FMNL2: variants seen among roughly 807,000 people sequenced by gnomAD.
FMNL2 encodes formin like 2.
A neutral mutation model predicts 130.2 loss-of-function variants in FMNL2; 51 were observed. The ratio of observed to expected loss-of-function variants is 0.39; its 90% confidence interval spans 0.31 to 0.49. The LOEUF is 0.49. FMNL2 is among the 20% of genes least tolerant of loss of function. The pLI is 0.85. For missense variants in FMNL2, 977 were observed against 1,316.2 expected, an observed-to-expected ratio of 0.74 and a Z score of 3.99; for synonymous variants, 465 against 467.1, an observed-to-expected ratio of 1.00 and a Z score of 0.06.
chr2:152,439,807 G>A (rs528160960), intron 1 of FMNL2, among the ~76,000 whole-genome samples: 1 of 148,384 alleles, frequency 6.7e-6, no homozygotes, highest in African/African-American at 2.5e-5. Flanking sequence ...GGTCTAGTAT[G>A]CCGTGTCTGT....
intron 7 of FMNL2, 85 bp downstream of exon 7, chr2:152,575,329 G>T: frequency 1.3e-6 from 1 of 773,678 alleles, no homozygotes. Flanking sequence ...TACACCGCTT[G>T]GGCGAAGGGT....
rs772110738 is a variant in FMNL2, at chr2:152,335,590, G to C, written c.-14G>C. The C allele has an allele frequency of 2.5e-6, 4 of 1,579,658 alleles. No individual in the cohort carries two copies. Among genetic ancestry groups the C allele is most frequent in the South Asian group, 2.2e-5 (2 of 89,138 alleles). Reference sequence around the variant, plus strand: ...GGGGCCCGGAGCAGCCCCCGGCCCCGGCGCGCCGCCGACATGGGCAACGCA... The same window carrying C: ...GGGGCCCGGAGCAGCCCCCGGCCCCCGCGCGCCGCCGACATGGGCAACGCA... On this transcript the variant is annotated 5_prime_UTR_variant, in exon 1 of 26. Coordinates refer to ENST00000288670, the MANE Select transcript of FMNL2 (RefSeq NM_052905.4).
At chr2:152,379,319 A>C (rs969552500) in intron 1 of FMNL2, among the ~76,000 whole-genome samples, 3 of 152,318 alleles carry the variant, frequency 2.0e-5, no homozygotes, top group Middle Eastern at 3.4e-3. Context: ...GAGTGCTTCT[A>C]CTTCGTTAGT....
chr2:152,490,421 T>C (rs1691089264), intron 1 of FMNL2, among the ~76,000 whole-genome samples: 1 of 152,164 alleles, frequency 6.6e-6, no homozygotes, highest in African/African-American at 2.4e-5. Context: ...AGTTGACTGC[T>C]ACAGTTTATG....
chr2:152,631,766 T>C (rs1380136164), intron 20 of FMNL2, among the ~76,000 whole-genome samples: 1 of 152,146 alleles, frequency 6.6e-6, no homozygotes, highest in Non-Finnish European at 1.5e-5. Context: ...CATTCTTAGG[T>C]GCTTAGAGTC....
Position 152,549,310 on chromosome 2 carries a change from A to G in FMNL2, c.359+213A>G, listed in dbSNP as rs367860866. On this transcript the variant is annotated intron_variant, in intron 4 of 25. Transcript: ENST00000288670. ...AGTCCTTGATGTGGAATTTATAACAATTCTATATTTCTTTGAGCGGGTGCA... is the reference window on the plus strand; with the variant it reads ...AGTCCTTGATGTGGAATTTATAACAGTTCTATATTTCTTTGAGCGGGTGCA... 8.5e-5 allele frequency among the ~76,000 whole-genome samples: 13 copies of G among 152,352 alleles called. No homozygotes were observed. The East Asian group carries it at 1.7e-3, about 20-fold the overall frequency.
At chr2:152,514,434 G>A (rs1335099504) in intron 1 of FMNL2, among the ~76,000 whole-genome samples, 1 of 152,052 alleles carries the variant, frequency 6.6e-6, no homozygotes, top group East Asian at 1.9e-4. Flanking sequence ...TCATGCCTTT[G>A]TTCATATCTT....
chr2:152,559,753 G>A (rs1695421513), intron 5 of FMNL2, among the ~76,000 whole-genome samples: 1 of 152,130 alleles, frequency 6.6e-6, no homozygotes, highest in African/African-American at 2.4e-5. Flanking sequence ...TGCCCTCCTC[G>A]TCTTACCTTC....
intron 15 of FMNL2, 84 bp downstream of exon 15, chr2:152,619,802 C>G (rs1699155533): frequency 2.6e-6 from 4 of 1,532,192 alleles, no homozygotes; most frequent in Non-Finnish European, 3.5e-6. Flanking sequence ...TTTCAAAGTC[C>G]AGGTCTCTTG....
intron 1 of FMNL2, among the ~76,000 whole-genome samples, chr2:152,509,393 G>A (rs1169288651): frequency 6.6e-6 from 1 of 151,762 alleles, no homozygotes; most frequent in Non-Finnish European, 1.5e-5. Flanking sequence ...ATTTTATTAT[G>A]GGATTTTTTT....
Position 152,542,748 on chromosome 2 carries a change from C to A in FMNL2, c.211C>A (p.Gln71Lys). The A allele has an allele frequency of 1.2e-6, 2 of 1,614,036 alleles. No individual in the cohort carries two copies. The highest frequency in any genetic ancestry group is 2.2e-5 in the East Asian group (1 of 44,866). ...WELICDQERF[Q>K]VKNPPHTYIQ... ...TTTGTGCTTTCTGCAGGAACGATTCCAGGTGAAGAATCCTCCCCATACATA... is the reference window on the plus strand; with the variant it reads ...TTTGTGCTTTCTGCAGGAACGATTCAAGGTGAAGAATCCTCCCCATACATA... Residue 71 changes from glutamine (Q) to lysine (K), a missense_variant, in exon 3 of 26, where the codon CAG (glutamine) becomes AAG (lysine). Physicochemically the swap from Gln to Lys is moderately conservative, Grantham distance 53. Transcript: ENST00000288670.
chr2:152,587,782 A>G (rs745784833), intron 9 of FMNL2, among the ~76,000 whole-genome samples: 77 of 152,256 alleles, frequency 5.1e-4, no homozygotes, highest in Non-Finnish European at 9.7e-4. Context: ...AGTGCTTTCT[A>G]TGTGTCAGAA....
At chr2:152,451,347 A>C (rs1006004031) in intron 1 of FMNL2, among the ~76,000 whole-genome samples, 3 of 151,764 alleles carry the variant, frequency 2.0e-5, no homozygotes, top group Non-Finnish European at 4.4e-5. Context: ...ACGGGGTTTC[A>C]CCATGTTGGC....
rs533594382 is a variant in FMNL2 at position 152,631,872 on chromosome 2, C to A, written c.2551-136C>A. ...CTAAGGAACAAATGGAATCCTGACC[C>A]TCCTCTGGGAATGCTCCAGCCTGTT... On this transcript the variant is annotated intron_variant, in intron 20 of 25. Transcript: ENST00000288670. 1.7e-4 allele frequency: 155 copies of A among 932,036 alleles called. No homozygotes were observed. The African/African-American group carries it at 2.3e-3, about 14-fold the overall frequency. The allele number at this position is 932,036 out of a possible 1,614,324, so 57.7% of individuals were successfully genotyped here.
intron 21 of FMNL2, among the ~76,000 whole-genome samples, chr2:152,634,077 T>G (rs1432136385): frequency 6.6e-6 from 1 of 152,186 alleles, no homozygotes; most frequent in Non-Finnish European, 1.5e-5. Context: ...ACTGTTTTAG[T>G]AGGTTGGTGC....
chr2:152,465,097 C>T lies in FMNL2; in HGVS notation c.118-56846C>T, dbSNP rs1159076090. Among the ~76,000 whole-genome samples, 6 of 152,314 alleles carry T rather than the reference C, an allele frequency of 3.9e-5. No homozygotes were observed. In the East Asian group the frequency reaches 1.2e-3, roughly 29 times the overall value. ...TGGCAGCATCAACAAGAAACAAGTG[C>T]GATCTCATAGCCCTGCGCAAGTAGT... On this transcript the variant is annotated intron_variant, in intron 1 of 25. Coordinates refer to ENST00000288670, the MANE Select transcript of FMNL2 (RefSeq NM_052905.4).
intron 2 of FMNL2, among the ~76,000 whole-genome samples, chr2:152,523,609 G>A (rs1403577014): frequency 1.3e-5 from 2 of 152,126 alleles, no homozygotes; most frequent in Non-Finnish European, 2.9e-5. Flanking sequence ...TATGCTATAG[G>A]CATTGTACAA....
intron 2 of FMNL2, among the ~76,000 whole-genome samples, chr2:152,523,990 G>T (rs1050421939): frequency 6.6e-6 from 1 of 152,154 alleles, no homozygotes; most frequent in African/African-American, 2.4e-5. Flanking sequence ...GAAAGAGGTG[G>T]CCTGGAAGAC....
At chr2:152,417,464 GA>G (rs750142318) in intron 1 of FMNL2, among the ~76,000 whole-genome samples, 4 of 152,208 alleles carry the variant, frequency 2.6e-5, no homozygotes, top group Non-Finnish European at 5.9e-5. Flanking sequence ...GTGCTGTGCT[GA>G]CAGTGGGACC....
Sources: gnomAD v4.1 joint callset for allele counts (sites outside exome capture counted in the v4.1 genomes callset) on GRCh38, gnomAD v4.1.1 for gene constraint, MANE v1.5 for transcripts, NCBI Gene and HGNC (gene_info 2026-07-23, HGNC 2026-07-21) for gene names.